The following AMMECR1 variants were observed in gnomAD, a reference collection of about 807,000 sequenced individuals.
AMMECR1 encodes the protein nuclear protein AMMECR1.
A neutral mutation model predicts 22.5 loss-of-function variants in AMMECR1; 3 were observed. The observed-to-expected ratio is 0.13, with a 90% confidence interval of 0.06 to 0.35. The LOEUF (loss-of-function observed/expected upper bound fraction) is 0.35. AMMECR1 is among the 10% of genes least tolerant of loss of function. The pLI is 1.00. For synonymous variants in AMMECR1, 130 were observed against 116.7 expected (o/e 1.11, Z -0.74); for missense variants, 235 against 278.7 (o/e 0.84, Z 1.12).
chrX:110,264,992 A>G (rs1392875773), intron 1 of AMMECR1, among the ~76,000 whole-genome samples: 1 of 111,657 alleles, frequency 9.0e-6, no homozygotes, highest in Non-Finnish European at 1.9e-5. Context: ...TAACTGTGTA[A>G]TTACTCATTT....
At chrX:110,422,365 T>C (rs895816534) in intron 2 of AMMECR1, among the ~76,000 whole-genome samples, 2 of 112,715 alleles carry the variant, frequency 1.8e-5, no homozygotes, top group African/African-American at 6.5e-5. Flanking sequence ...CCTCTGCCAA[T>C]TGCTGACATT....
intron 3 of AMMECR1, among the ~76,000 whole-genome samples, chrX:110,204,946 C>G (rs1326151961): frequency 2.7e-5 from 3 of 111,677 alleles, no homozygotes; most frequent in Non-Finnish European, 5.7e-5. Context: ...TTTCTGGGTT[C>G]CTATGACTCT....
intron 2 of AMMECR1, chrX:110,419,021 C>G (rs1281063370): frequency 9.0e-6 from 1 of 110,756 alleles, no homozygotes; most frequent in Non-Finnish European, 1.9e-5. Flanking sequence ...GTAGCTGATT[C>G]CTAGTTGTGG....
chrX:110,308,498 A>G (rs907418643), intron 1 of AMMECR1, among the ~76,000 whole-genome samples: 1 of 111,795 alleles, frequency 8.9e-6, no homozygotes, highest in Non-Finnish European at 1.9e-5. Context: ...GGAGTAAAGT[A>G]TACCACAAAC....
At position 110,318,045 on chromosome X, in the gene AMMECR1, C is replaced by A; in HGVS notation, c.27G>T (p.Lys9Asn). 8.3e-7 allele frequency: 1 copy of A among 1,204,069 alleles called. No individual in the cohort carries two copies. Among genetic ancestry groups the A allele is most frequent in the Non-Finnish European group, 1.1e-6 (1 of 892,691 alleles). Residue 9 changes from lysine to asparagine, a missense_variant, in exon 1 of 6, where the codon AAG becomes AAT. By Grantham distance (94) the Lys-to-Asn change is moderately conservative (BLOSUM62 0). Coordinates refer to ENST00000262844, the MANE Select transcript of AMMECR1 (RefSeq NM_015365.3). ...GGGGCGAACTGGACAGTTTCTGCTT[C>A]TTCACCCCGCAGCAACCCGCCGCCA... is the stretch of plus-strand genomic sequence containing the variant. MAAGCCGV[K>N]KQKLSSSPPS...
In AMMECR1 at chrX:110,240,640, A is replaced by T. The variant is rs771549314; in HGVS notation, c.584+23849T>A. On this transcript the variant is annotated intron_variant, in intron 2 of 5. Transcript: ENST00000262844. ...CCACACAATAATAGTGGGAGACTTT[A>T]ACACCTCACTGTCAATATTGGATCA... Among the ~76,000 whole-genome samples, 27 of 110,193 alleles carry T rather than the reference A, an allele frequency of 2.5e-4. No individual in the cohort carries two copies. In the South Asian group the frequency reaches 0.01, roughly 42 times the overall value.
intron 2 of AMMECR1, among the ~76,000 whole-genome samples, chrX:110,372,629 C>T (rs1467400200): frequency 1.8e-5 from 2 of 111,753 alleles, no homozygotes; most frequent in Admixed American, 1.9e-4. Flanking sequence ...TTTAACAAGC[C>T]TCTATTATTA....
intron 1 of AMMECR1, among the ~76,000 whole-genome samples, chrX:110,312,289 C>T (rs1160735601): frequency 8.9e-6 from 1 of 112,623 alleles, no homozygotes; most frequent in African/African-American, 3.2e-5. Context: ...AATTTGGTTT[C>T]AAAAAGCATA....
At chrX:110,407,094 TTCACCAG>T (rs935645236) in intron 2 of AMMECR1, among the ~76,000 whole-genome samples, 7 of 112,097 alleles carry the variant, frequency 6.2e-5, no homozygotes, top group Admixed American at 3.8e-4. Context: ...TGCCGCCAAC[TTCACCAG>T]TCACCTTTGC....
At chrX:110,291,326 C>T (rs2067907262) in intron 1 of AMMECR1, among the ~76,000 whole-genome samples, 1 of 110,676 alleles carries the variant, frequency 9.0e-6, no homozygotes, top group Admixed American at 9.6e-5. Context: ...AGTTCAAGAC[C>T]AGCCTGGCCA....
chrX:110,217,503 A>T (rs2067479605), intron 2 of AMMECR1, among the ~76,000 whole-genome samples: 1 of 50,803 alleles, frequency 2.0e-5, no homozygotes, highest in Non-Finnish European at 3.2e-5. Context: ...AATAGAAAAT[A>T]CACACACACA....
intron 2 of AMMECR1, among the ~76,000 whole-genome samples, chrX:110,233,084 G>A (rs1026778912): frequency 3.7e-5 from 4 of 109,160 alleles, no homozygotes; most frequent in Admixed American, 2.0e-4. Context: ...CTGATAGACC[G>A]CTAGCAAGAC....
chrX:110,214,256 C>T (rs1032510734), intron 3 of AMMECR1, among the ~76,000 whole-genome samples: 2 of 107,788 alleles, frequency 1.9e-5, no homozygotes, highest in Non-Finnish European at 3.8e-5. Context: ...GAGCGAGACT[C>T]TGTCTCGAAA....
intron 2 of AMMECR1, among the ~76,000 whole-genome samples, chrX:110,251,352 G>A: frequency 8.9e-6 from 1 of 111,896 alleles, no homozygotes; most frequent in East Asian, 2.8e-4. Flanking sequence ...AGTCTTGAAG[G>A]ATAAGTAGGA....
chrX:110,280,702 T>C (rs1312358363), intron 1 of AMMECR1, among the ~76,000 whole-genome samples: 1 of 112,007 alleles, frequency 8.9e-6, no homozygotes, highest in Non-Finnish European at 1.9e-5. Flanking sequence ...TTCCTGACAC[T>C]CTTTCTATGG....
At chrX:110,224,533 A>T (rs894372364) in intron 2 of AMMECR1, among the ~76,000 whole-genome samples, 10 of 109,566 alleles carry the variant, frequency 9.1e-5, no homozygotes, top group African/African-American at 3.4e-4. Flanking sequence ...AAATAAAAAA[A>T]AGATATATAT....
chrX:110,394,242 G>T lies in AMMECR1; in HGVS notation c.-148+32416C>A, dbSNP rs1035591969. On this transcript the variant is annotated intron_variant, in intron 2 of 7. Transcript: ENST00000372057. Reference sequence around the variant, plus strand: ...TATTAGAAGTGTTTGGGTGGTTTTTGTTTGTTTGTTTTTTTGTTTGTTTTT... The same window carrying T: ...TATTAGAAGTGTTTGGGTGGTTTTTTTTTGTTTGTTTTTTTGTTTGTTTTT... Among the ~76,000 whole-genome samples the T allele has an allele frequency of 3.0e-4, 34 of 112,022 alleles. 1 individual carries two copies. Among genetic ancestry groups the T allele is most frequent in the Non-Finnish European group, 1.9e-5 (1 of 53,146 alleles).
chrX:110,272,903 A>G (rs1248326605), intron 1 of AMMECR1, among the ~76,000 whole-genome samples: 1 of 111,811 alleles, frequency 8.9e-6, no homozygotes, highest in Non-Finnish European at 1.9e-5. Context: ...TTCTTTATTT[A>G]GTCAATTGTT....
intron 1 of AMMECR1, among the ~76,000 whole-genome samples, chrX:110,314,361 A>G (rs1376150379): frequency 8.9e-6 from 1 of 111,863 alleles, no homozygotes; most frequent in Admixed American, 9.5e-5. Context: ...AAATCTCAAG[A>G]GAAAGATTCA....
Sources: gnomAD v4.1 joint callset for allele counts (sites outside exome capture counted in the v4.1 genomes callset) on GRCh38, gnomAD v4.1.1 for gene constraint, MANE v1.5 for transcripts, NCBI Gene and HGNC (gene_info 2026-07-23, HGNC 2026-07-21) for gene names.